Variants in EPRS1 observed in about 807,000 individuals in gnomAD.
EPRS1 encodes bifunctional glutamate/proline--tRNA ligase.
A neutral mutation model predicts 188.3 loss-of-function variants in EPRS1; 107 were observed. The ratio of observed to expected loss-of-function variants is 0.57; its 90% CI spans 0.49 to 0.67. The LOEUF (loss-of-function observed/expected upper bound fraction) is 0.67. Among genes scored for constraint, EPRS1 ranks in the 30% least tolerant of loss-of-function variants. The probability of loss-of-function intolerance (pLI) is 0.00; values close to 1 mark genes in which losing one functional copy is unlikely to be tolerated. For missense variants in EPRS1, 1,577 were observed against 1,802.2 expected (o/e 0.88, Z 2.26); for synonymous variants, 596 against 593.1 (o/e 1.00, Z -0.07).
At position 219,968,710 on chromosome 1, in the gene EPRS1, T is replaced by G; in HGVS notation, c.*96A>C. 1 of 1,277,082 alleles carries G rather than the reference T, an allele frequency of 7.8e-7. No homozygotes were observed. Among genetic ancestry groups the G allele is most frequent in the South Asian group, 1.4e-5 (1 of 69,478 alleles). The allele number at this position is 1,277,082 out of a possible 1,614,324, so 79.1% of individuals were successfully genotyped here. ...GTGACTTCATTTTAGAACTTTTACTTTTTAAAAAATCATAAAACGGTCTGT... is the reference window on the plus strand; with the variant it reads ...GTGACTTCATTTTAGAACTTTTACTGTTTAAAAAATCATAAAACGGTCTGT... On this transcript the variant is annotated 3_prime_UTR_variant, in exon 32 of 32. Transcript: ENST00000366923.
intron 1 of EPRS1, among the ~76,000 whole-genome samples, chr1:220,044,243 T>C (rs1174047923): frequency 1.3e-5 from 2 of 152,204 alleles, no homozygotes; most frequent in East Asian, 3.8e-4. Flanking sequence ...TAAAATGTAA[T>C]TGAATTAAAC....
At chr1:220,046,318 C>G (rs748808209) in intron 1 of EPRS1, 25 bp downstream of exon 1, 7 of 1,614,002 alleles carry the variant, frequency 4.3e-6, no homozygotes, top group Non-Finnish European at 5.9e-6. Flanking sequence ...GCAACCCACA[C>G]AGGTCATTGG....
intron 14 of EPRS1, among the ~76,000 whole-genome samples, chr1:220,006,681 A>G (rs979590770): frequency 6.6e-5 from 10 of 152,198 alleles, no homozygotes; most frequent in Non-Finnish European, 1.3e-4. Context: ...GTTACTTGCA[A>G]TCATATGTAA....
chr1:219,979,705 G>T, intron 26 of EPRS1, 90 bp from the exon 27 acceptor site: 2 of 833,886 alleles, frequency 2.4e-6, no homozygotes, highest in Non-Finnish European at 3.8e-6. Flanking sequence ...CTTTAAAATG[G>T]CACTACACTT....
chr1:220,007,412 C>A, intron 13 of EPRS1, 74 bp from the exon 14 acceptor site: 1 of 1,431,870 alleles, frequency 7.0e-7, no homozygotes, highest in South Asian at 1.3e-5. Context: ...TTTATACATT[C>A]ATTCTATTCT....
At chr1:220,040,746 A>C (rs1216640732) in intron 1 of EPRS1, among the ~76,000 whole-genome samples, 1 of 151,860 alleles carries the variant, frequency 6.6e-6, no homozygotes, top group Non-Finnish European at 1.5e-5. Context: ...GCTACTCGGG[A>C]GGCTGAGGCA....
At chr1:219,984,997 T>C (rs2486328) in intron 20 of EPRS1, among the ~76,000 whole-genome samples, 92,379 of 150,492 alleles carry the variant, frequency 0.61, 29,299 homozygotes, top group Non-Finnish European at 0.71. Context: ...TGAGCCGAGA[T>C]TGCGCCATTG....
intron 20 of EPRS1, among the ~76,000 whole-genome samples, chr1:219,985,182 G>C (rs1366279802): frequency 6.6e-6 from 1 of 152,046 alleles, no homozygotes. Context: ...TCTTTTACAA[G>C]GTTCTTTTTA....
intron 18 of EPRS1, among the ~76,000 whole-genome samples, chr1:219,996,504 T>G (rs1661234798): frequency 6.6e-6 from 1 of 152,154 alleles, no homozygotes; most frequent in African/African-American, 2.4e-5. Context: ...CAGAAGAAAG[T>G]CAAAGGGCAG....
intron 28 of EPRS1, among the ~76,000 whole-genome samples, chr1:219,973,699 G>A (rs908856497): frequency 3.9e-5 from 6 of 152,022 alleles, no homozygotes; most frequent in African/African-American, 1.5e-4. Context: ...TCCAGAAAAC[G>A]TATTTGCATA....
At chr1:220,022,824 A>C (rs1194589917) in intron 8 of EPRS1, among the ~76,000 whole-genome samples, 2 of 152,230 alleles carry the variant, frequency 1.3e-5, no homozygotes, top group Non-Finnish European at 2.9e-5. Context: ...CCGCTCACCT[A>C]GTGTTTCCCT....
At chr1:220,017,202 C>T (rs1405675745) in intron 12 of EPRS1, among the ~76,000 whole-genome samples, 3 of 152,004 alleles carry the variant, frequency 2.0e-5, no homozygotes, top group African/African-American at 7.2e-5. Flanking sequence ...GACAGCAAGA[C>T]TCTATCTCAA....
intron 27 of EPRS1, 21 bp downstream of exon 27, chr1:219,979,397 A>G: frequency 6.4e-7 from 1 of 1,559,058 alleles, no homozygotes; most frequent in Non-Finnish European, 8.8e-7. Context: ...AATGAGTGAT[A>G]AACAGGAATA....
chr1:219,974,269 C>T (rs990489557), intron 28 of EPRS1, among the ~76,000 whole-genome samples: 5 of 152,168 alleles, frequency 3.3e-5, no homozygotes, highest in Admixed American at 2.6e-4. Flanking sequence ...TAACAAGTTT[C>T]CAAGTGATGC....
intron 19 of EPRS1, among the ~76,000 whole-genome samples, chr1:219,987,756 C>T (rs962993118): frequency 6.6e-6 from 1 of 152,138 alleles, no homozygotes; most frequent in Non-Finnish European, 1.5e-5. Context: ...AAAACTGTGA[C>T]TGGAAAACAG....
rs887685590 is a variant in EPRS1, at chr1:220,022,490, T to C, written c.972A>G (p.Glu324=). ...CAAACTGGCTCCCTTTTTTCATTTCTTCCCACATTTGTAGATTCTTCTCAA... is the reference window on the plus strand; with the variant it reads ...CAAACTGGCTCCCTTTTTTCATTTCCTCCCACATTTGTAGATTCTTCTCAA... The part of the protein sequence containing the change: ...NPIEKNLQMW[E]EMKKGSQFGQ... The change falls in exon 9 of 32, where the codon GAA becomes GAG. Residue 324 remains glutamate (E), a synonymous_variant. Coordinates refer to ENST00000366923, the MANE Select transcript of EPRS1 (RefSeq NM_004446.3). 1.2e-6 allele frequency: 2 copies of C among 1,613,590 alleles called. No individual in the cohort carries two copies. Among genetic ancestry groups the C allele is most frequent in the Non-Finnish European group, 1.7e-6 (2 of 1,179,860 alleles).
At chr1:220,024,487 A>G (rs781485769) in intron 7 of EPRS1, 31 bp from the exon 8 acceptor site, 6 of 1,523,982 alleles carry the variant, frequency 3.9e-6, no homozygotes, top group South Asian at 3.7e-5. Flanking sequence ...AACCATCAGT[A>G]TATCTTTTGC....
intron 13 of EPRS1, among the ~76,000 whole-genome samples, chr1:220,009,463 T>A (rs1287603715): frequency 1.3e-5 from 2 of 152,058 alleles, no homozygotes; most frequent in East Asian, 3.9e-4. Context: ...CTGGGCAACA[T>A]GGTGAAACCC....
At chr1:220,041,396 G>A (rs1411039761) in intron 1 of EPRS1, among the ~76,000 whole-genome samples, 1 of 152,084 alleles carries the variant, frequency 6.6e-6, no homozygotes, top group Non-Finnish European at 1.5e-5. Flanking sequence ...GCTTAAAGGA[G>A]TTAAATAACC....
Sources: gnomAD v4.1 joint callset for allele counts (sites outside exome capture counted in the v4.1 genomes callset) on GRCh38, gnomAD v4.1.1 for gene constraint, MANE v1.5 for transcripts, NCBI Gene and HGNC (gene_info 2026-07-23, HGNC 2026-07-21) for gene names.